The following C2 variants were observed in gnomAD, a reference collection of about 807,000 sequenced individuals.
C2 encodes the protein complement C2.
A neutral mutation model predicts 85.2 loss-of-function variants in C2; 64 were observed. The ratio of observed to expected loss-of-function variants is 0.75; its 90% CI spans 0.61 to 0.92. The LOEUF is 0.92. C2 is among the 40% of genes least tolerant of loss of function. The pLI is 0.00. For missense variants in C2, 820 were observed against 971.6 expected, an observed-to-expected ratio of 0.84 and a Z score of 2.07; for synonymous variants, 311 against 370.8, an observed-to-expected ratio of 0.84 and a Z score of 1.85.
In C2 at chr6:31,927,731, C is replaced by G; in HGVS notation, c.-22C>G. 1 of 1,613,066 alleles carries G rather than the reference C, an allele frequency of 6.2e-7. No homozygotes were observed. Among genetic ancestry groups the G allele is most frequent in the Non-Finnish European group, 8.5e-7 (1 of 1,180,002 alleles). Reference sequence around the variant, plus strand: ...TTCCCTCCCGCGGCTCTCTACCTCTCGCCGCCCCTAGGGAGGACACCATGG... The same window carrying G: ...TTCCCTCCCGCGGCTCTCTACCTCTGGCCGCCCCTAGGGAGGACACCATGG... On this transcript the variant is annotated 5_prime_UTR_variant, in exon 1 of 18. Transcript: ENST00000299367. This position sits in a 1 kb window ranked among gnomAD's most constrained non-coding sequence, Gnocchi z 4.7.
upstream of C2, among the ~76,000 whole-genome samples, chr6:31,918,027 C>G (rs2151725265): frequency 6.6e-6 from 1 of 152,150 alleles, no homozygotes; most frequent in South Asian, 2.1e-4. Context: ...AATGAATTCC[C>G]AGCACTTTGG....
At chr6:31,936,116 G>A in intron 7 of C2, 55 bp downstream of exon 7, 1 of 1,589,190 alleles carries the variant, frequency 6.3e-7, no homozygotes, top group Admixed American at 1.7e-5. Context: ...ACCCTCTCAG[G>A]GCCTGCAAAC....
upstream of C2, among the ~76,000 whole-genome samples, chr6:31,926,585 G>C (rs971196219): frequency 2.0e-5 from 3 of 151,744 alleles, no homozygotes; most frequent in African/African-American, 7.3e-5. Context: ...ACCCGCCTCA[G>C]CCTCCCAAAA....
chr6:31,917,055 G>C (rs1041550184), upstream of C2, among the ~76,000 whole-genome samples: 4 of 149,264 alleles, frequency 2.7e-5, no homozygotes, highest in African/African-American at 9.9e-5. Context: ...CTTGTAATCC[G>C]AGCTACTTGG....
rs774473503 is a variant in C2, at chr6:31,944,858, G to A, written c.2029+5G>A. The A allele has an allele frequency of 5.0e-6, 8 of 1,613,080 alleles. No individual in the cohort carries two copies. The Admixed American group carries it at 8.3e-5, about 17-fold the overall frequency. On this transcript the variant is annotated splice_donor_5th_base_variant and intron_variant, in intron 16 of 17. Transcript: ENST00000299367. This position sits in a 1 kb window ranked among gnomAD's most constrained non-coding sequence, Gnocchi z 5.1. ...AGGATGAGAGTCCCTGCAAGGGTGA[G>A]TCCCTCACCATGCCTGGATTCCCAA...
chr6:31,917,854 C>T (rs749442186), upstream of C2, among the ~76,000 whole-genome samples: 3 of 151,332 alleles, frequency 2.0e-5, no homozygotes, highest in South Asian at 2.1e-4. Context: ...TGCAGTGAGC[C>T]GAGATCACGC....
At position 31,943,876 on chromosome 6, in the gene C2, T is replaced by C. The variant is rs1281677492; in HGVS notation, c.1734-41T>C. 5 of 1,611,692 alleles carry C rather than the reference T, an allele frequency of 3.1e-6. No individual in the cohort carries two copies. Among genetic ancestry groups the C allele is most frequent in the South Asian group, 1.1e-5 (1 of 91,068 alleles). ...GTGCTCTGGAGATCCCTGGAAGAGATACTGGGGACAGGCTGGTGTGACCCT... is the reference window on the plus strand; with the variant it reads ...GTGCTCTGGAGATCCCTGGAAGAGACACTGGGGACAGGCTGGTGTGACCCT... On this transcript the variant is annotated intron_variant, in intron 13 of 17. Transcript: ENST00000299367. The surrounding 1 kb of genome is among the most constrained non-coding windows in gnomAD (Gnocchi z 6.4).
In C2 at chr6:31,934,152, C is replaced by T. The variant is rs564350054; in HGVS notation, c.716-14C>T. On this transcript the variant is annotated splice_polypyrimidine_tract_variant and intron_variant, in intron 5 of 17. Coordinates refer to ENST00000299367, the MANE Select transcript of C2 (RefSeq NM_000063.6). ...AGGTGGGGATCTGAATCCTCCCCTT[C>T]CACATTTCTCCAGAAAGCCTGGGCC... 40 of 1,614,180 alleles carry T rather than the reference C, an allele frequency of 2.5e-5. No individual in the cohort carries two copies. The South Asian group carries it at 4.0e-4, about 16-fold the overall frequency.
At position 31,943,297 on chromosome 6, in the gene C2, C is replaced by A. The variant is rs1461997827; in HGVS notation, c.1433C>A (p.Thr478Lys). 13 of 1,612,878 alleles carry A rather than the reference C, an allele frequency of 8.1e-6. No individual in the cohort carries two copies. The highest frequency in any genetic ancestry group is 1.1e-5 in the Non-Finnish European group (13 of 1,179,834). The change falls in exon 11 of 18, where the codon ACA becomes AAA. Residue 478 changes from threonine (T) to lysine (K), a missense_variant. Coordinates refer to ENST00000299367, the MANE Select transcript of C2 (RefSeq NM_000063.6). The surrounding 1 kb of genome is among the most constrained non-coding windows in gnomAD (Gnocchi z 6.4). ...GCAAACGCCTCTGACCAGGAGAGGA[C>A]ACCCTGGCATGTCACTATTAAGGTA... is the stretch of plus-strand genomic sequence containing the variant. ...MSANASDQER[T>K]PWHVTIKPKS...
chr6:31,909,296 G>GTAT (rs1223776352), intron 1 of C2, among the ~76,000 whole-genome samples: 1 of 151,748 alleles, frequency 6.6e-6, no homozygotes, highest in African/African-American at 2.4e-5. Context: ...AATTTTTAAC[G>GTAT]TATTATTATT....
chr6:31,899,756 C>G (rs1461323378), upstream of C2: 1 of 715,554 alleles, frequency 1.4e-6, no homozygotes, highest in East Asian at 2.7e-5. Flanking sequence ...CTCTCAAGAG[C>G]AAGTCTCTCC....
In C2 at chr6:31,944,070, C is replaced by T. The variant is rs1771141729; in HGVS notation, c.1811-65C>T. 1.9e-6 allele frequency: 3 copies of T among 1,590,670 alleles called. No homozygotes were observed. The highest frequency in any genetic ancestry group is 3.3e-5 in the Admixed American group (2 of 59,972). ...GATAACAAGGACTAGGCTGCAGTCC[C>T]CAAGCCAGGAACCTGGATTCTGGGT... On this transcript the variant is annotated intron_variant, in intron 14 of 17. Coordinates refer to ENST00000299367, the MANE Select transcript of C2 (RefSeq NM_000063.6). The surrounding 1 kb of genome is among the most constrained non-coding windows in gnomAD (Gnocchi z 5.1).
chr6:31,901,172 C>T, intron 1 of C2: 1 of 1,613,638 alleles, frequency 6.2e-7, no homozygotes, highest in Non-Finnish European at 8.5e-7. Context: ...CTTGTGGCCT[C>T]GAAACTTGAG....
intron 7 of C2, 118 bp downstream of exon 7, chr6:31,936,179 C>A: frequency 8.9e-7 from 1 of 1,120,998 alleles, no homozygotes; most frequent in Non-Finnish European, 1.3e-6. Context: ...CACCTGAGTC[C>A]CACGAGTCTG....
chr6:31,901,668 C>A (rs895072482), intron 1 of C2, among the ~76,000 whole-genome samples: 19 of 151,484 alleles, frequency 1.3e-4, no homozygotes, highest in African/African-American at 3.9e-4. Flanking sequence ...TCTCACCCCG[C>A]CCCCTTTACC....
In C2 at chr6:31,921,097, C is replaced by T. The variant is rs571656518; in HGVS notation, c.-100+1071C>T. On this transcript the variant is annotated intron_variant, in intron 1 of 3. Transcript: ENST00000413154. This position sits in a 1 kb window ranked among gnomAD's most constrained non-coding sequence, Gnocchi z 4.6. ...CTAGGATGGGGGATGGTGTGTGTAC[C>T]GAGGAACTTAGCAGAGGCCTTTGTG... Among the ~76,000 whole-genome samples, 18 of 152,174 alleles carry T rather than the reference C, an allele frequency of 1.2e-4. No homozygotes were observed. Among genetic ancestry groups the T allele is most frequent in the African/African-American group, 3.9e-4 (16 of 41,498 alleles).
rs374559513 is a variant in C2 at position 31,945,367 on chromosome 6, C to T, written c.*10C>T. 16 of 1,612,150 alleles carry T rather than the reference C, an allele frequency of 9.9e-6. No homozygotes were observed. The highest frequency in any genetic ancestry group is 9.3e-5 in the African/African-American group (7 of 74,906). ...TTTTTTACCCCTCTAGCCATGGCCA[C>T]TGAGCCCTCTGCTGCCCTGCCAGAA... On this transcript the variant is annotated 3_prime_UTR_variant, in exon 18 of 18. Transcript: ENST00000299367. This position sits in a 1 kb window ranked among gnomAD's most constrained non-coding sequence, Gnocchi z 5.3.
upstream of C2, chr6:31,900,310 G>A: frequency 6.8e-6 from 11 of 1,612,166 alleles, no homozygotes; most frequent in Non-Finnish European, 8.5e-6. The surrounding 1 kb of genome is among the most constrained non-coding windows in gnomAD (Gnocchi z 9.7). Context: ...TGCACTTGAT[G>A]TTCTTTAAGG....
At chr6:31,899,964 C>G, upstream of C2, 4 of 1,598,692 alleles carry the variant, frequency 2.5e-6, no homozygotes, top group Non-Finnish European at 3.4e-6. Context: ...ACACTGGCCT[C>G]CAGCACGTTC....
Sources: allele counts gnomAD v4.1 joint callset (sites outside exome capture counted in the v4.1 genomes callset), GRCh38; gene constraint gnomAD v4.1.1; non-coding constraint Gnocchi (gnomAD v3.1); transcripts MANE v1.5; gene names NCBI Gene and HGNC (gene_info 2026-07-23, HGNC 2026-07-21).